DIAPH2: variants seen among roughly 807,000 people sequenced by gnomAD.
The protein encoded by DIAPH2 is protein diaphanous homolog 2.
Under a neutral mutation model 92.7 loss-of-function variants are expected in DIAPH2, and 35 were observed. The ratio of observed to expected loss-of-function variants is 0.38; its 90% CI spans 0.29 to 0.50. The LOEUF is 0.50. Among genes scored for constraint, DIAPH2 ranks in the 20% least tolerant of loss-of-function variants. The pLI is 0.94. For synonymous variants in DIAPH2, 301 were observed against 280.4 expected (o/e 1.07, Z -0.73); for missense variants, 701 against 819.5 (o/e 0.86, Z 1.77).
At chrX:96,845,735 G>C (rs2064966776) in intron 4 of DIAPH2, among the ~76,000 whole-genome samples, 1 of 112,012 alleles carries the variant, frequency 8.9e-6, no homozygotes, top group Admixed American at 9.5e-5. Flanking sequence ...AATTTCATTT[G>C]ATATAAAGCG....
chrX:97,053,310 T>A (rs1026892082), intron 17 of DIAPH2, among the ~76,000 whole-genome samples: 1 of 111,814 alleles, frequency 8.9e-6, no homozygotes, highest in African/African-American at 3.2e-5. Context: ...TATTCCTTAC[T>A]TTCTTGCCAG....
chrX:96,823,041 G>T (rs958784336), intron 4 of DIAPH2, among the ~76,000 whole-genome samples: 1 of 111,556 alleles, frequency 9.0e-6, no homozygotes, highest in Non-Finnish European at 1.9e-5. Flanking sequence ...TAGAAGAAAT[G>T]ACTATTAAAA....
chrX:96,757,982 G>GT (rs1490223765), intron 3 of DIAPH2, among the ~76,000 whole-genome samples, 172 bp from the exon 4 acceptor site: 1 of 111,968 alleles, frequency 8.9e-6, no homozygotes, highest in Non-Finnish European at 1.9e-5. Flanking sequence ...ACACAAAACT[G>GT]TGGTATCTAG....
chrX:97,390,007 T>G (rs2069641051), intron 25 of DIAPH2, among the ~76,000 whole-genome samples: 1 of 109,875 alleles, frequency 9.1e-6, no homozygotes, highest in Middle Eastern at 4.3e-3. Context: ...CTTAATGTTT[T>G]ATAATGTTCA....
In DIAPH2 at chrX:96,977,453, A is replaced by G. The variant is rs757371456; in HGVS notation, c.2050+12246A>G. On this transcript the variant is annotated intron_variant, in intron 17 of 26. Transcript: ENST00000324765. ...TTGAGATGCATAAAGTAATGAAATC[A>G]ATTTTTCACTTTGACTCTTTTGAAG... 9.0e-5 allele frequency among the ~76,000 whole-genome samples: 10 copies of G among 111,522 alleles called. No homozygotes were observed. The East Asian group carries it at 2.5e-3, about 28-fold the overall frequency.
At chrX:97,441,424 TC>T (rs1413502329) in intron 26 of DIAPH2, among the ~76,000 whole-genome samples, 1 of 111,941 alleles carries the variant, frequency 8.9e-6, no homozygotes, top group Non-Finnish European at 1.9e-5. Context: ...TGTCTTTTTT[TC>T]ATCACTTCAT....
intron 22 of DIAPH2, among the ~76,000 whole-genome samples, chrX:97,172,579 A>G (rs1052469569): frequency 1.8e-5 from 2 of 112,133 alleles, no homozygotes; most frequent in Admixed American, 1.9e-4. Flanking sequence ...TTACACTTTC[A>G]CATAGCCTCT....
At chrX:97,341,024 C>T (rs2069110028) in intron 23 of DIAPH2, 1 of 90,318 alleles carries the variant, frequency 1.1e-5, no homozygotes, top group Admixed American at 1.3e-4. Flanking sequence ...CATCCCACTA[C>T]ATACATTTAA....
At position 96,950,350 on chromosome X, in the gene DIAPH2, T is replaced by C. The variant is rs138139387; in HGVS notation, c.1614+1311T>C. On this transcript the variant is annotated intron_variant, in intron 15 of 26. Transcript: ENST00000324765. ...ATTAGCTACCCCCATAGGATGGTCC[T>C]GTTGCATGTTGAAATCAAACCCAGT... is the stretch of plus-strand genomic sequence containing the variant. Among the ~76,000 whole-genome samples the C allele has an allele frequency of 6.1e-3, 681 of 111,691 alleles. 5 individuals are homozygous for C. Among genetic ancestry groups the C allele is most frequent in the African/African-American group, 0.021 (652 of 30,687 alleles).
intron 4 of DIAPH2, among the ~76,000 whole-genome samples, chrX:96,846,199 G>A (rs778795357): frequency 9.2e-6 from 1 of 108,358 alleles, no homozygotes; most frequent in Non-Finnish European, 1.9e-5. Context: ...CCAGGCTGGA[G>A]TGCAATGGTG....
intron 24 of DIAPH2, among the ~76,000 whole-genome samples, chrX:97,369,141 C>G (rs768841876): frequency 9.0e-6 from 1 of 110,814 alleles, no homozygotes; most frequent in African/African-American, 3.3e-5. Flanking sequence ...CTCCCTACCT[C>G]AGGTGATCCG....
At chrX:97,105,247 G>A in intron 20 of DIAPH2, among the ~76,000 whole-genome samples, 1 of 111,202 alleles carries the variant, frequency 9.0e-6, no homozygotes, top group East Asian at 2.8e-4. Context: ...CTAACCTTTT[G>A]GGTTTTTTTA....
intron 23 of DIAPH2, among the ~76,000 whole-genome samples, chrX:97,270,272 C>A (rs1001966539): frequency 9.0e-6 from 1 of 111,149 alleles, no homozygotes; most frequent in Non-Finnish European, 1.9e-5. Context: ...CCATGTTGGT[C>A]AGGCTGGTCT....
chrX:97,081,623 C>T (rs1178078000), intron 19 of DIAPH2: 1 of 105,961 alleles, frequency 9.4e-6, no homozygotes, highest in Non-Finnish European at 1.9e-5. Context: ...GAGTTTGAGA[C>T]CAGCCTGCCA....
chrX:97,482,179 T>G (rs1344398380), intron 26 of DIAPH2, among the ~76,000 whole-genome samples: 1 of 112,307 alleles, frequency 8.9e-6, no homozygotes, highest in African/African-American at 3.2e-5. Context: ...AGTTATGGTT[T>G]GCTTAAACCA....
intron 19 of DIAPH2, among the ~76,000 whole-genome samples, chrX:97,091,353 A>G (rs766724364): frequency 2.7e-5 from 3 of 110,997 alleles, no homozygotes; most frequent in Non-Finnish European, 5.7e-5. Context: ...GTCCAATCCT[A>G]CGTCGCTGCA....
At chrX:96,724,850 A>G (rs1464793141) in intron 1 of DIAPH2, among the ~76,000 whole-genome samples, 1 of 112,194 alleles carries the variant, frequency 8.9e-6, no homozygotes, top group Non-Finnish European at 1.9e-5. Context: ...CTGTGTATGT[A>G]TAAGGGTCAT....
chrX:96,770,957 G>A (rs756326710), intron 4 of DIAPH2, among the ~76,000 whole-genome samples: 1 of 111,516 alleles, frequency 9.0e-6, no homozygotes, highest in Non-Finnish European at 1.9e-5. Flanking sequence ...TTTTGGATAG[G>A]GGTATCTGTA....
rs919374062 is a variant in DIAPH2 at position 97,549,608 on chromosome X, G to A, written c.3242-49645G>A. ...TATAATAGTACATTTATCAACATTG[G>A]TAAATCAACATTGATAAATTACCAC... On this transcript the variant is annotated intron_variant, in intron 26 of 26. Coordinates refer to ENST00000324765, the MANE Select transcript of DIAPH2 (RefSeq NM_006729.5). Among the ~76,000 whole-genome samples, 28 of 110,940 alleles carry A rather than the reference G, an allele frequency of 2.5e-4. 1 individual carries two copies. The highest frequency in any genetic ancestry group is 9.2e-4 in the African/African-American group (28 of 30,541).
Sources: allele counts gnomAD v4.1 joint callset (sites outside exome capture counted in the v4.1 genomes callset), GRCh38; gene constraint gnomAD v4.1.1; transcripts MANE v1.5; gene names NCBI Gene and HGNC (gene_info 2026-07-23, HGNC 2026-07-21).